Variants in PIR observed in about 807,000 individuals in gnomAD.
The protein encoded by PIR is pirin (iron-binding nuclear protein).
Under a neutral mutation model 24.2 loss-of-function variants are expected in PIR, and 22 were observed. The observed-to-expected ratio is 0.91, with a 90% CI of 0.65 to 1.30. The LOEUF (loss-of-function observed/expected upper bound fraction) is 1.30. PIR is among the 50% of genes most tolerant of loss of function. The probability of loss-of-function intolerance (pLI) is 0.00; values close to 1 mark genes in which losing one functional copy is unlikely to be tolerated. For missense variants in PIR, 220 were observed against 220.3 expected (o/e 1.00, Z 0.01); for synonymous variants, 80 against 79.6 (o/e 1.00, Z -0.03).
At chrX:15,425,411 C>CTTTTTTTTTTTTTT (rs756160029) in intron 6 of PIR, among the ~76,000 whole-genome samples, 3 of 92,111 alleles carry the variant, frequency 3.3e-5, no homozygotes, top group African/African-American at 1.3e-4. Flanking sequence ...TTCTTTCTTT[C>CTTTTTTTTTTTTTT]TTTTTTTTTT....
chrX:15,489,292 T>C (rs900275024), intron 2 of PIR, among the ~76,000 whole-genome samples: 1 of 112,643 alleles, frequency 8.9e-6, no homozygotes, highest in Non-Finnish European at 1.9e-5. Context: ...TGTTTCAGTA[T>C]AAAAGTTTTC....
intron 7 of PIR, among the ~76,000 whole-genome samples, chrX:15,398,046 A>T (rs1924228958): frequency 9.3e-6 from 1 of 107,959 alleles, no homozygotes; most frequent in African/African-American, 3.3e-5. Flanking sequence ...CTGAAAAATA[A>T]GTAAGTTGGA....
At chrX:15,479,525 A>T (rs1452821784) in intron 3 of PIR, among the ~76,000 whole-genome samples, 1 of 111,536 alleles carries the variant, frequency 9.0e-6, no homozygotes, top group Non-Finnish European at 1.9e-5. Context: ...TAACTGCACA[A>T]ATAGGAATGT....
intron 5 of PIR, among the ~76,000 whole-genome samples, 157 bp from the exon 6 acceptor site, chrX:15,426,147 C>T (rs1248981803): frequency 1.8e-5 from 2 of 111,560 alleles, no homozygotes; most frequent in African/African-American, 6.5e-5. Context: ...TAAAACAGCC[C>T]CTCTTAAAGG....
intron 5 of PIR, among the ~76,000 whole-genome samples, chrX:15,442,070 T>C (rs1243733882): frequency 1.8e-5 from 2 of 109,063 alleles, no homozygotes; most frequent in African/African-American, 6.8e-5. Flanking sequence ...TAAATATATG[T>C]ATTTTTTTTT....
intron 5 of PIR, among the ~76,000 whole-genome samples, chrX:15,434,703 A>G (rs1392682180): frequency 1.0e-5 from 1 of 97,250 alleles, no homozygotes; most frequent in Non-Finnish European, 2.0e-5. Context: ...ATCAATTTAC[A>G]TGAGAGGTTT....
chrX:15,491,333 AAAG>A (rs1923149646), intron 1 of PIR, 24 bp from the exon 2 acceptor site: 2 of 654,472 alleles, frequency 3.1e-6, no homozygotes, highest in Admixed American at 2.9e-5. Flanking sequence ...AACAAAAAAA[AAAG>A]AAGTCATAAA....
Position 15,389,750 on chromosome X carries a change from T to C in PIR, c.760+435A>G, listed in dbSNP as rs758543676. On this transcript the variant is annotated intron_variant, in intron 9 of 9. Coordinates refer to ENST00000380420, the MANE Select transcript of PIR (RefSeq NM_001018109.3). ...AAACAAAAAATAACAACTATTTTCTTAAAAATACTATTCCTAAGAGTTTCA... is the reference window on the plus strand; with the variant it reads ...AAACAAAAAATAACAACTATTTTCTCAAAAATACTATTCCTAAGAGTTTCA... Among the ~76,000 whole-genome samples, 322 of 111,197 alleles carry C rather than the reference T, an allele frequency of 2.9e-3. 2 individuals are homozygous for C. The highest frequency in any genetic ancestry group is 4.6e-3 in the Non-Finnish European group (246 of 52,949).
chrX:15,480,597 AAAG>A (rs1225109656), intron 2 of PIR, among the ~76,000 whole-genome samples: 1 of 112,158 alleles, frequency 8.9e-6, no homozygotes, highest in Non-Finnish European at 1.9e-5. Context: ...GGAAGGGATC[AAAG>A]AAGGTCAGAA....
At chrX:15,399,574 G>A (rs918577350) in intron 7 of PIR, among the ~76,000 whole-genome samples, 9 of 111,921 alleles carry the variant, frequency 8.0e-5, no homozygotes, top group Admixed American at 1.9e-4. Flanking sequence ...AAATTGAAAC[G>A]TATCTTCTCC....
intron 5 of PIR, 90 bp downstream of exon 5, chrX:15,455,758 G>T: frequency 1.4e-6 from 1 of 696,686 alleles, no homozygotes; most frequent in Non-Finnish European, 2.3e-6. Flanking sequence ...CATGAATTTT[G>T]GTAAACCTAG....
At chrX:15,479,945 A>T in intron 2 of PIR, 124 bp from the exon 3 acceptor site, 1 of 348,651 alleles carries the variant, frequency 2.9e-6, no homozygotes. Flanking sequence ...AACTTTTTAC[A>T]ATGAAAATTG....
chrX:15,441,050 G>C (rs191218297), intron 5 of PIR, among the ~76,000 whole-genome samples: 6 of 111,728 alleles, frequency 5.4e-5, no homozygotes, highest in African/African-American at 2.0e-4. Context: ...AAAGTGAAAT[G>C]AATGAGAATT....
At chrX:15,440,150 T>C (rs1285320660) in intron 5 of PIR, among the ~76,000 whole-genome samples, 3 of 111,838 alleles carry the variant, frequency 2.7e-5, no homozygotes, top group Non-Finnish European at 3.8e-5. Context: ...CCATTGGCTC[T>C]CAGTTGAGCA....
At chrX:15,395,766 C>A (rs1330307348) in intron 8 of PIR, among the ~76,000 whole-genome samples, 57 of 112,411 alleles carry the variant, frequency 5.1e-4, no homozygotes, top group African/African-American at 3.9e-4. Flanking sequence ...ATATAAGTGA[C>A]ACATGCTGCC....
intron 5 of PIR, among the ~76,000 whole-genome samples, chrX:15,446,019 C>T (rs1282984865): frequency 1.8e-5 from 2 of 108,368 alleles, no homozygotes; most frequent in Non-Finnish European, 3.8e-5. Context: ...TTAGTAGAGA[C>T]GGGGTTTCAC....
chrX:15,407,609 CA>C, intron 6 of PIR, 59 bp from the exon 7 acceptor site: 1 of 827,725 alleles, frequency 1.2e-6, no homozygotes, highest in Non-Finnish European at 1.8e-6. Context: ...GGAACAAAGA[CA>C]TATACGTATT....
chrX:15,408,685 T>C (rs1924627240), intron 6 of PIR, among the ~76,000 whole-genome samples: 1 of 111,749 alleles, frequency 8.9e-6, no homozygotes, highest in Admixed American at 9.5e-5. Context: ...TATCCCTCCA[T>C]GTGCCTTCAG....
intron 3 of PIR, among the ~76,000 whole-genome samples, chrX:15,464,629 C>T (rs1021861544): frequency 2.7e-5 from 3 of 111,754 alleles, no homozygotes; most frequent in African/African-American, 6.5e-5. Flanking sequence ...TTATAGAGAG[C>T]GCTTATGTCA....
Sources: allele counts gnomAD v4.1 joint callset (sites outside exome capture counted in the v4.1 genomes callset), GRCh38; gene constraint gnomAD v4.1.1; transcripts MANE v1.5; gene names NCBI Gene and HGNC (gene_info 2026-07-23, HGNC 2026-07-21).